The following NFE2L2 variants were observed in gnomAD, a reference collection of about 807,000 sequenced individuals.
The protein encoded by NFE2L2 is NFE2 like bZIP transcription factor 2.
Under a neutral mutation model 49.6 loss-of-function variants are expected in NFE2L2, and 20 were observed. That is an observed-to-expected ratio of 0.40 (90% confidence interval 0.28 to 0.59). NFE2L2 has a LOEUF of 0.59. NFE2L2 is among the 20% of genes least tolerant of loss of function. NFE2L2 has a pLI of 0.40. For missense variants in NFE2L2, 578 were observed against 714.2 expected, an observed-to-expected ratio of 0.81 and a Z score of 2.17; for synonymous variants, 244 against 256.5, an observed-to-expected ratio of 0.95 and a Z score of 0.47.
chr2:177,233,133 CTAAAAATGTTTT>C (rs1689617783), intron 3 of NFE2L2, 105 bp downstream of exon 3: 7 of 885,218 alleles, frequency 7.9e-6, no homozygotes, highest in Non-Finnish European at 1.0e-5. Flanking sequence ...AAATTTCCTC[CTAAAAATGTTTT>C]TATTCTTTTA....
chr2:177,243,616 G>T (rs1163572495), intron 1 of NFE2L2, among the ~76,000 whole-genome samples: 2 of 152,038 alleles, frequency 1.3e-5, no homozygotes, highest in African/African-American at 2.4e-5. Context: ...TAATTCCCAG[G>T]CTCAAGTGAT....
intron 1 of NFE2L2, among the ~76,000 whole-genome samples, chr2:177,255,648 C>G (rs1690489957): frequency 1.3e-5 from 2 of 152,162 alleles, no homozygotes; most frequent in Non-Finnish European, 2.9e-5. Context: ...CACCTTCAAA[C>G]TCCTGGGCTC....
intron 1 of NFE2L2, among the ~76,000 whole-genome samples, chr2:177,240,101 C>T (rs1475376596): frequency 6.6e-6 from 1 of 152,124 alleles, no homozygotes; most frequent in East Asian, 1.9e-4. Context: ...CCACAAATGA[C>T]CCAGCTCTCT....
intron 1 of NFE2L2, among the ~76,000 whole-genome samples, chr2:177,254,441 G>C (rs184967958): frequency 1.1e-4 from 17 of 152,340 alleles, no homozygotes; most frequent in African/African-American, 3.6e-4. Context: ...AGAACAAGCA[G>C]CAATGTCCTG....
At chr2:177,261,114 T>C (rs1473772849) in intron 1 of NFE2L2, among the ~76,000 whole-genome samples, 2 of 144,382 alleles carry the variant, frequency 1.4e-5, no homozygotes, top group East Asian at 2.0e-4. Context: ...GAGGCTGCAG[T>C]GAGCCAAGAT....
intron 1 of NFE2L2, among the ~76,000 whole-genome samples, chr2:177,256,376 A>C (rs1690523764): frequency 6.6e-6 from 1 of 152,022 alleles, no homozygotes; most frequent in South Asian, 2.1e-4. Context: ...ATAAAGCAAA[A>C]TTCTATATGC....
At chr2:177,252,662 T>G (rs2886160) in intron 1 of NFE2L2, among the ~76,000 whole-genome samples, 151,089 of 152,316 alleles carry the variant, frequency 0.99, 74,947 homozygotes, top group Middle Eastern at 1. Context: ...GATGAGTATT[T>G]TTAAAGCACA....
intron 1 of NFE2L2, among the ~76,000 whole-genome samples, chr2:177,249,497 A>G (rs997199910): frequency 6.6e-6 from 1 of 152,204 alleles, no homozygotes; most frequent in Non-Finnish European, 1.5e-5. Context: ...GAAGTCCATA[A>G]GTCTGAAAAT....
chr2:177,236,903 T>C (rs1376389853), intron 1 of NFE2L2, among the ~76,000 whole-genome samples: 1 of 152,028 alleles, frequency 6.6e-6, no homozygotes, highest in African/African-American at 2.4e-5. Flanking sequence ...GGTCTCACTC[T>C]GTCACCCAGG....
chr2:177,261,758 T>A (rs1462293197), intron 1 of NFE2L2, among the ~76,000 whole-genome samples: 1 of 152,186 alleles, frequency 6.6e-6, no homozygotes, highest in Non-Finnish European at 1.5e-5. Flanking sequence ...TCTATTATTA[T>A]CTTAGTGCCA....
intron 1 of NFE2L2, among the ~76,000 whole-genome samples, chr2:177,241,194 G>A (rs1285999534): frequency 6.6e-6 from 1 of 152,196 alleles, no homozygotes; most frequent in East Asian, 1.9e-4. Flanking sequence ...GTAGTATAAA[G>A]TTGGAATGTC....
chr2:177,263,230 G>T (rs989314193), intron 1 of NFE2L2, among the ~76,000 whole-genome samples: 1 of 152,216 alleles, frequency 6.6e-6, no homozygotes, highest in Non-Finnish European at 1.5e-5. Context: ...AAACGCAAGC[G>T]TTCCACTCTC....
At chr2:177,249,534 G>T (rs556799304) in intron 1 of NFE2L2, among the ~76,000 whole-genome samples, 59 of 152,194 alleles carry the variant, frequency 3.9e-4, no homozygotes, top group African/African-American at 1.3e-3. Context: ...TAGGCTACTT[G>T]CAGCTAAAGC....
chr2:177,248,591 T>C (rs979909574), intron 1 of NFE2L2, among the ~76,000 whole-genome samples: 3 of 152,208 alleles, frequency 2.0e-5, no homozygotes, highest in Admixed American at 6.5e-5. Context: ...GCATTTTTAG[T>C]AGAGACAGGG....
chr2:177,264,309 T>G, intron 1 of NFE2L2: 1 of 479,150 alleles, frequency 2.1e-6, no homozygotes, highest in Non-Finnish European at 3.6e-6. Context: ...TTCCCACCCG[T>G]TCGCCCTCGG....
chr2:177,233,584 T>C (rs982221431), intron 2 of NFE2L2: 29 of 532,976 alleles, frequency 5.4e-5, no homozygotes, highest in African/African-American at 5.1e-4. Context: ...TTGCTCATCG[T>C]AGATAAAACA....
At chr2:177,244,028 C>T (rs1012947650) in intron 1 of NFE2L2, among the ~76,000 whole-genome samples, 4 of 150,888 alleles carry the variant, frequency 2.7e-5, no homozygotes, top group Admixed American at 6.6e-5. Flanking sequence ...TTGCTGGGTG[C>T]GGTGGCTCAC....
chr2:177,264,693 G>A lies in NFE2L2; in HGVS notation c.-117C>T, dbSNP rs1690875249. On this transcript the variant is annotated 5_prime_UTR_variant, in exon 1 of 5. Coordinates refer to ENST00000397062, the MANE Select transcript of NFE2L2 (RefSeq NM_006164.5). ...CGGCGGCGGCGGTGGCGGCTGCGTC[G>A]GCGGCTCCTCCGGGCTCCCCGGCAC... The A allele has an allele frequency of 2.1e-6, 2 of 967,018 alleles. No homozygotes were observed. The highest frequency in any genetic ancestry group is 3.4e-5 in the South Asian group (1 of 29,010). The allele number at this position is 967,018 out of a possible 1,614,324, so 59.9% of individuals were successfully genotyped here.
intron 1 of NFE2L2, among the ~76,000 whole-genome samples, chr2:177,258,466 T>G (rs1281657481): frequency 1.3e-5 from 2 of 152,116 alleles, no homozygotes; most frequent in Non-Finnish European, 2.9e-5. Context: ...GGGAAGTGAC[T>G]GCTAATGGAT....
Sources: gnomAD v4.1 joint callset for allele counts (sites outside exome capture counted in the v4.1 genomes callset) on GRCh38, gnomAD v4.1.1 for gene constraint, MANE v1.5 for transcripts, NCBI Gene and HGNC (gene_info 2026-07-23, HGNC 2026-07-21) for gene names.